Variants in SKAP1 observed in about 807,000 individuals in gnomAD.
The protein encoded by SKAP1 is src kinase associated phosphoprotein 1.
In SKAP1, 44 loss-of-function variants were observed where a neutral mutation model predicts 58.5. The observed-to-expected ratio is 0.75, with a 90% CI of 0.59 to 0.97. The LOEUF is 0.97. Among genes scored for constraint, SKAP1 ranks in the 50% least tolerant of loss-of-function variants. SKAP1 has a pLI of 0.00. For missense variants in SKAP1, 390 were observed against 435.2 expected (o/e 0.90, Z 0.92); for synonymous variants, 127 against 149.7 (o/e 0.85, Z 1.11).
At chr17:48,210,500 G>A (rs2064859302) in intron 4 of SKAP1, among the ~76,000 whole-genome samples, 1 of 152,106 alleles carries the variant, frequency 6.6e-6, no homozygotes, top group Non-Finnish European at 1.5e-5. Context: ...GTGGGCCCAG[G>A]GAGGCCCCCA....
chr17:48,318,215 C>A (rs1177345063), intron 4 of SKAP1, among the ~76,000 whole-genome samples: 1 of 152,216 alleles, frequency 6.6e-6, no homozygotes, highest in Non-Finnish European at 1.5e-5. Context: ...GCTGCCCTGA[C>A]AGCAAACAGA....
chr17:48,381,798 G>C (rs943454119), intron 2 of SKAP1, among the ~76,000 whole-genome samples: 1 of 152,104 alleles, frequency 6.6e-6, no homozygotes, highest in Non-Finnish European at 1.5e-5. Flanking sequence ...GGTTTATTCT[G>C]CTCAAAAATA....
chr17:48,311,444 T>C (rs536837918), intron 4 of SKAP1, among the ~76,000 whole-genome samples: 5 of 152,254 alleles, frequency 3.3e-5, no homozygotes, highest in Admixed American at 2.6e-4. Context: ...AGGCTGAGTG[T>C]CACAATGCCC....
intron 4 of SKAP1, among the ~76,000 whole-genome samples, chr17:48,271,400 T>A (rs1276061118): frequency 1.4e-5 from 2 of 140,088 alleles, no homozygotes; most frequent in Non-Finnish European, 3.1e-5. Context: ...AGGGTCTCAC[T>A]CTTCTGCCTA....
intron 4 of SKAP1, among the ~76,000 whole-genome samples, chr17:48,210,532 G>A (rs2064859585): frequency 6.6e-6 from 1 of 152,094 alleles, no homozygotes; most frequent in Non-Finnish European, 1.5e-5. Flanking sequence ...TGGACAGTGA[G>A]TATCAGAACA....
chr17:48,256,243 G>C (rs1395251074), intron 4 of SKAP1, among the ~76,000 whole-genome samples: 1 of 151,932 alleles, frequency 6.6e-6, no homozygotes, highest in Non-Finnish European at 1.5e-5. Context: ...AGAGAGTAGT[G>C]TAAGAGAGAA....
At chr17:48,359,047 A>G (rs1567881930) in intron 3 of SKAP1, among the ~76,000 whole-genome samples, 1 of 152,212 alleles carries the variant, frequency 6.6e-6, no homozygotes. Flanking sequence ...ATAAAGCAAT[A>G]TATGCATTAA....
chr17:48,426,926 A>G (rs2067860172), intron 1 of SKAP1, among the ~76,000 whole-genome samples: 1 of 152,064 alleles, frequency 6.6e-6, no homozygotes, highest in Non-Finnish European at 1.5e-5. Flanking sequence ...AGCATAGTAA[A>G]TGGTCCGTTA....
intron 4 of SKAP1, among the ~76,000 whole-genome samples, chr17:48,316,265 C>T (rs1347991466): frequency 6.6e-6 from 1 of 152,174 alleles, no homozygotes; most frequent in Non-Finnish European, 1.5e-5. Flanking sequence ...AACACTCTGT[C>T]TCACTCTAGC....
chr17:48,223,912 G>A lies in SKAP1; in HGVS notation c.281-34412C>T, dbSNP rs575582134. 2.6e-5 allele frequency among the ~76,000 whole-genome samples: 4 copies of A among 151,788 alleles called. No individual in the cohort carries two copies. The East Asian group carries it at 7.8e-4, about 30-fold the overall frequency. On this transcript the variant is annotated intron_variant, in intron 4 of 12. Coordinates refer to ENST00000336915, the MANE Select transcript of SKAP1 (RefSeq NM_003726.4). ...GAAATTGTTAATTAACAATAAAAAA[G>A]TATATAGGTACCAAAATAAAAACCT...
intron 8 of SKAP1, among the ~76,000 whole-genome samples, chr17:48,180,694 C>G (rs1382433958): frequency 1.3e-5 from 2 of 152,164 alleles, no homozygotes; most frequent in Non-Finnish European, 2.9e-5. Flanking sequence ...CTGGAGCTGT[C>G]AGAAGCTTAT....
At chr17:48,141,358 T>A (rs2063765184) in intron 11 of SKAP1, among the ~76,000 whole-genome samples, 1 of 145,572 alleles carries the variant, frequency 6.9e-6, no homozygotes, top group Admixed American at 7.0e-5. Flanking sequence ...GGGTTCCCAA[T>A]GCCCCTTGTT....
intron 4 of SKAP1, among the ~76,000 whole-genome samples, chr17:48,252,713 A>AGTGT (rs71141977): frequency 0.12 from 16,993 of 144,884 alleles, 1,205 homozygotes; most frequent in South Asian, 0.28. Context: ...GCTCTAAGCT[A>AGTGT]GTGTGTGTGT....
rs999660200 is a variant in SKAP1 at position 48,199,611 on chromosome 17, C to G, written c.281-10111G>C. On this transcript the variant is annotated intron_variant, in intron 4 of 12. Transcript: ENST00000336915. ...TTCTAGAACATTTTTATAGCACAGT[C>G]TTGGCTCCCAGGGACCCTAAATCTT... Among the ~76,000 whole-genome samples the G allele has an allele frequency of 3.3e-5, 5 of 152,318 alleles. No homozygotes were observed. In the East Asian group the frequency reaches 9.6e-4, roughly 29 times the overall value.
intron 2 of SKAP1, among the ~76,000 whole-genome samples, chr17:48,387,361 C>T (rs1375749386): frequency 2.0e-5 from 3 of 152,148 alleles, no homozygotes; most frequent in African/African-American, 7.2e-5. Flanking sequence ...TTCCCTCCAC[C>T]GTGCCTGTAA....
chr17:48,382,041 T>C (rs2067220528), intron 2 of SKAP1, among the ~76,000 whole-genome samples: 2 of 152,208 alleles, frequency 1.3e-5, no homozygotes, highest in African/African-American at 4.8e-5. Context: ...GTTGATTACC[T>C]TTCTGAACCT....
In SKAP1 at chr17:48,343,997, C is replaced by CAGTCTTG. The variant is rs556464527; in HGVS notation, c.280+1901_280+1907dup. Among the ~76,000 whole-genome samples the CAGTCTTG allele has an allele frequency of 4.0e-4, 61 of 152,212 alleles. 1 individual carries two copies. In the East Asian group the frequency reaches 7.1e-3, roughly 18 times the overall value. ...TAAACCTAATATCCACATTTTAGGG[C>CAGTCTTG]AGTCTTGAGGATCAAATGATGACAT... On this transcript the variant is annotated intron_variant, in intron 4 of 12. Transcript: ENST00000336915.
In SKAP1 at chr17:48,180,149, C is replaced by G; in HGVS notation, c.731G>C (p.Gly244Ala). 5 of 1,613,940 alleles carry G rather than the reference C, an allele frequency of 3.1e-6. No homozygotes were observed. Among genetic ancestry groups the G allele is most frequent in the Non-Finnish European group, 4.2e-6 (5 of 1,179,910 alleles). Residue 244 changes from glycine (G) to alanine (A), a missense_variant, in exon 9 of 13, where the codon GGT becomes GCT. By Grantham distance (60) the Gly-to-Ala change is moderately conservative. Transcript: ENST00000336915. ...DIDGFDSPSC[G>A]SQCRPTILPG... ...CAAGATAGTGGGTCTGCACTGGGAA[C>G]CACAACTTGGGGAGTCAAAACCATC...
intron 4 of SKAP1, among the ~76,000 whole-genome samples, chr17:48,311,034 C>G (rs548810923): frequency 2.6e-5 from 4 of 152,202 alleles, no homozygotes; most frequent in African/African-American, 4.8e-5. Context: ...TCGCCGCCCC[C>G]CCAGGCTGAG....
Sources: gnomAD v4.1 joint callset for allele counts (sites outside exome capture counted in the v4.1 genomes callset) on GRCh38, gnomAD v4.1.1 for gene constraint, MANE v1.5 for transcripts, NCBI Gene and HGNC (gene_info 2026-07-23, HGNC 2026-07-21) for gene names.